The following PRDM9 variants were observed in gnomAD, a reference collection of about 807,000 sequenced individuals.
The protein encoded by PRDM9 is PR/SET domain 9.
A neutral mutation model predicts 55.6 loss-of-function variants in PRDM9; 47 were observed. The ratio of observed to expected loss-of-function variants is 0.85; its 90% confidence interval spans 0.67 to 1.08. PRDM9 has a LOEUF of 1.08. Ranked by LOEUF, PRDM9 falls within the 50% of genes least tolerant of loss-of-function variation. PRDM9 has a pLI of 0.00. For missense variants in PRDM9, 867 were observed against 1,040.3 expected (o/e 0.83, Z 2.29); for synonymous variants, 312 against 375.7 (o/e 0.83, Z 1.96).
At position 23,527,706 on chromosome 5, in the gene PRDM9, C is replaced by T. The variant is rs1396444343; in HGVS notation, c.2618C>T (p.Ser873Leu). ...TGTGGGCGGGGCTTTAGCGATAGGT[C>T]AAGCCTCTGCTATCACCAGAGGACA... is the stretch of plus-strand genomic sequence containing the variant. ...RECGRGFSDR[S>L]SLCYHQRTHT... Residue 873 changes from serine (S) to leucine (L), a missense_variant, in exon 11 of 11, where the codon TCA (serine) becomes TTA (leucine). By Grantham distance (145) the Ser-to-Leu change is moderately radical (BLOSUM62 -2). This residue lies in a region of PRDM9 where 86 missense variants were observed against 73.6 expected (regional missense o/e 1.17). Transcript: ENST00000296682. 1 of 1,598,648 alleles carries T rather than the reference C, an allele frequency of 6.3e-7. No homozygotes were observed. The highest frequency in any genetic ancestry group is 8.5e-7 in the Non-Finnish European group (1 of 1,171,976).
chr5:23,512,048 A>C (rs1739110008), intron 4 of PRDM9, among the ~76,000 whole-genome samples: 2 of 152,118 alleles, frequency 1.3e-5, no homozygotes, highest in African/African-American at 2.4e-5. Context: ...ACTTAATTAA[A>C]CTGTAAATCC....
intron 9 of PRDM9, 27 bp downstream of exon 9, chr5:23,523,385 A>G (rs773181111): frequency 1.9e-6 from 3 of 1,591,296 alleles, no homozygotes; most frequent in Admixed American, 1.7e-5. Context: ...TCTGAGTTGC[A>G]GAGAGAACCT....
chr5:23,508,915 C>T, intron 1 of PRDM9, 35 bp from the exon 2 acceptor site: 1 of 1,199,852 alleles, frequency 8.3e-7, no homozygotes, highest in South Asian at 1.3e-5. Flanking sequence ...GTGCTCAGGG[C>T]TGTTGCCCCC....
At chr5:23,519,131 C>T (rs1191140615) in intron 5 of PRDM9, among the ~76,000 whole-genome samples, 2 of 152,156 alleles carry the variant, frequency 1.3e-5, no homozygotes, top group Non-Finnish European at 2.9e-5. Context: ...TCAATCTCGG[C>T]TTACTGCAGC....
At chr5:23,518,050 G>A in intron 5 of PRDM9, 120 bp downstream of exon 5, 1 of 906,204 alleles carries the variant, frequency 1.1e-6, no homozygotes, top group Non-Finnish European at 1.9e-6. Context: ...GATCTCTTTA[G>A]CACAGTGTCT....
Position 23,526,617 on chromosome 5 carries a change from G to A in PRDM9, c.1529G>A (p.Gly510Asp), listed in dbSNP as rs753066478. Residue 510 changes from glycine (G) to aspartate (D), a missense_variant, in exon 11 of 11, where the codon GGC (glycine) becomes GAC (aspartate). By Grantham distance (94) the Gly-to-Asp change is moderately conservative. Around this residue, in one of 5 missense-constraint regions of PRDM9, gnomAD observed 662 missense variants for 711.9 expected, o/e 0.93. Transcript: ENST00000296682. ...CAGAAAGTGAATCCAGGGAACACAG[G>A]CAAATTATTTGTGGGGGTAGGAATC... ...TGQKVNPGNT[G>D]KLFVGVGISR... is the part of the protein sequence containing the mutation. 5 of 1,614,210 alleles carry A rather than the reference G, an allele frequency of 3.1e-6. No homozygotes were observed. The South Asian group carries it at 4.4e-5, about 14-fold the overall frequency.
At position 23,517,894 on chromosome 5, in the gene PRDM9, G is replaced by A. The variant is rs759768731; in HGVS notation, c.315G>A (p.Trp105Ter). The stretch of plus-strand genomic sequence containing the variant: ...ATCACCTTTTAGTCAAACCTCCTTG[G>A]ATGGCCTTAAGAGTGGAACAGCGTA... ...WTPRQQVKPP[W>*]MALRVEQRKH... Residue 105 changes from tryptophan (W) to a stop codon, truncating the protein, a stop_gained, in exon 5 of 11, where the codon TGG (tryptophan) becomes TGA (stop). Coordinates refer to ENST00000296682, the MANE Select transcript of PRDM9 (RefSeq NM_020227.4). LOFTEE classifies it high-confidence loss of function. The A allele has an allele frequency of 3.2e-5, 51 of 1,602,676 alleles. No individual in the cohort carries two copies. Among genetic ancestry groups the A allele is most frequent in the Non-Finnish European group, 4.2e-5 (49 of 1,169,712 alleles).
rs1185515283 is a variant in PRDM9, at chr5:23,527,676, G to A, written c.2588G>A (p.Arg863Lys). 1 of 1,584,282 alleles carries A rather than the reference G, an allele frequency of 6.3e-7. No individual in the cohort carries two copies. Among genetic ancestry groups the A allele is most frequent in the African/African-American group, 1.4e-5 (1 of 72,768 alleles). The change falls in exon 11 of 11, where the codon AGG becomes AAG. Residue 863 changes from arginine (R) to lysine (K), a missense_variant. Arg to Lys is a conservative substitution (Grantham distance 26). Around this residue, in one of 5 missense-constraint regions of PRDM9, gnomAD observed 86 missense variants for 73.6 expected, o/e 1.17. Transcript: ENST00000296682. The part of the protein sequence containing the change: ...THTGEKPYVC[R>K]ECGRGFSDRS... ...ACAGGGGAGAAGCCCTACGTCTGCA[G>A]GGAGTGTGGGCGGGGCTTTAGCGAT...
intron 4 of PRDM9, among the ~76,000 whole-genome samples, chr5:23,510,337 A>G (rs1302858033): frequency 2.6e-5 from 4 of 151,748 alleles, no homozygotes; most frequent in African/African-American, 9.7e-5. Flanking sequence ...CTGGGATTAC[A>G]GCCATGAGCC....
rs762202186 is a variant in PRDM9, at chr5:23,521,153, C to T, written c.482C>T (p.Ser161Phe). The stretch of plus-strand genomic sequence containing the variant: ...TCCCCTTCTGGAGAAGCAAGTACCT[C>T]TGGACAGCACTCAAGACTAAAACTG... The part of the protein sequence containing the change: ...PVSPSGEAST[S>F]GQHSRLKLEL... Residue 161 changes from serine (S) to phenylalanine (F), a missense_variant, in exon 6 of 11, where the codon TCT becomes TTT. By Grantham distance (155) the Ser-to-Phe change is radical. Coordinates refer to ENST00000296682, the MANE Select transcript of PRDM9 (RefSeq NM_020227.4). 1.2e-6 allele frequency: 2 copies of T among 1,613,596 alleles called. No homozygotes were observed. Among genetic ancestry groups the T allele is most frequent in the Admixed American group, 1.7e-5 (1 of 60,018 alleles).
At position 23,509,981 on chromosome 5, in the gene PRDM9, G is replaced by A. The variant is rs559220696; in HGVS notation, c.255G>A (p.Val85=). ...GAAGGCAGGCCATCAAACTCCAGGT[G>A]GATGACACAGAAGATTCTGATGAAG... ...CHRRQAIKLQ[V]DDTEDSDEEW... Residue 85 remains valine, a synonymous_variant, in exon 4 of 11, where the codon GTG becomes GTA. Coordinates refer to ENST00000296682, the MANE Select transcript of PRDM9 (RefSeq NM_020227.4). The A allele has an allele frequency of 1.9e-5, 30 of 1,613,848 alleles. No homozygotes were observed. The highest frequency in any genetic ancestry group is 2.4e-5 in the Non-Finnish European group (28 of 1,179,956).
At chr5:23,507,769 A>T (rs1198134590) in intron 1 of PRDM9, 57 bp downstream of exon 1, 1 of 152,000 alleles carries the variant, frequency 6.6e-6, no homozygotes, top group Admixed American at 6.6e-5. Flanking sequence ...AGATCCCCTC[A>T]CCCTGGGAAG....
At chr5:23,518,203 A>G (rs1739253985) in intron 5 of PRDM9, among the ~76,000 whole-genome samples, 1 of 152,246 alleles carries the variant, frequency 6.6e-6, no homozygotes, top group Non-Finnish European at 1.5e-5. Flanking sequence ...CTTTATATAT[A>G]GTACCTATTA....
intron 7 of PRDM9, 100 bp from the exon 8 acceptor site, chr5:23,522,514 G>A: frequency 8.8e-6 from 14 of 1,590,466 alleles, no homozygotes; most frequent in South Asian, 3.3e-5. Flanking sequence ...TAGAGTACAG[G>A]ATTAGGGCTA....
intron 1 of PRDM9, 132 bp downstream of exon 1, chr5:23,507,844 C>T (rs1739015354): frequency 6.6e-6 from 1 of 152,196 alleles, no homozygotes; most frequent in Non-Finnish European, 1.5e-5. Flanking sequence ...AAAATCCCCT[C>T]AGCATGAAAC....
chr5:23,520,928 C>T, intron 5 of PRDM9, 95 bp from the exon 6 acceptor site: 2 of 1,408,640 alleles, frequency 1.4e-6, no homozygotes, highest in East Asian at 2.4e-5. Flanking sequence ...AAGGTTTGAA[C>T]ATTAACTAGA....
At position 23,509,460 on chromosome 5, in the gene PRDM9, C is replaced by A; in HGVS notation, c.70-10C>A. 1 of 1,614,158 alleles carries A rather than the reference C, an allele frequency of 6.2e-7. No homozygotes were observed. The highest frequency in any genetic ancestry group is 8.5e-7 in the Non-Finnish European group (1 of 1,180,020). ...AGTAAATCACTGATGGAATCTGTTA[C>A]TTCCTCTAGGTCAAAGATGCCTTCA... On this transcript the variant is annotated splice_polypyrimidine_tract_variant and intron_variant, in intron 2 of 10. Coordinates refer to ENST00000296682, the MANE Select transcript of PRDM9 (RefSeq NM_020227.4).
rs778952844 is a variant in PRDM9, at chr5:23,509,061, A to G, written c.28A>G (p.Ser10Gly). 3 of 1,614,004 alleles carry G rather than the reference A, an allele frequency of 1.9e-6. No individual in the cohort carries two copies. The highest frequency in any genetic ancestry group is 3.3e-5 in the Admixed American group (2 of 60,008). ...GAGCCCTGAAAAGTCCCAAGAGGAG[A>G]GCCCAGAAGAAGACACAGAGAGAAC... Reference protein sequence around the residue: MSPEKSQEESPEEDTERTER... With the variant: MSPEKSQEEGPEEDTERTER... The change falls in exon 2 of 11, where the codon AGC (serine) becomes GGC (glycine). Residue 10 changes from serine (S) to glycine (G), a missense_variant. Ser to Gly is a moderately conservative substitution (Grantham distance 56). Transcript: ENST00000296682.
At chr5:23,516,652 G>A (rs1290962064) in intron 4 of PRDM9, among the ~76,000 whole-genome samples, 5 of 151,652 alleles carry the variant, frequency 3.3e-5, no homozygotes, top group African/African-American at 4.8e-5. Flanking sequence ...GATTACAGGC[G>A]TGAGCCACCA....
Sources: allele counts gnomAD v4.1 joint callset (sites outside exome capture counted in the v4.1 genomes callset), GRCh38; gene constraint gnomAD v4.1.1; regional missense constraint gnomAD v4.1.1; transcripts MANE v1.5; gene names NCBI Gene and HGNC (gene_info 2026-07-23, HGNC 2026-07-21).